The following PNOC variants were observed in gnomAD, a reference collection of about 807,000 sequenced individuals.
The protein encoded by PNOC is nociceptin.
A neutral mutation model predicts 15.6 loss-of-function variants in PNOC; 10 were observed. The ratio of observed to expected loss-of-function variants is 0.64; its 90% CI spans 0.40 to 1.09. The LOEUF (loss-of-function observed/expected upper bound fraction) is 1.09, where lower values mean the gene tolerates loss of function less well. Among genes scored for constraint, PNOC ranks in the 50% least tolerant of loss-of-function variants. The pLI is 0.01. For missense variants in PNOC, 220 were observed against 223.9 expected (o/e 0.98, Z 0.11); for synonymous variants, 98 against 88.5 (o/e 1.11, Z -0.60).
Position 28,330,399 on chromosome 8 carries a change from T to TTATTTA in PNOC, c.126+1117_126+1118insATTTAT, listed in dbSNP as rs796269575. 1.3e-3 allele frequency among the ~76,000 whole-genome samples: 132 copies of TTATTTA among 104,140 alleles called. 2 individuals carry two copies. In the East Asian group the frequency reaches 0.028, roughly 22 times the overall value. The allele number at this position is 104,140 out of a possible 152,430, so 68.3% of individuals were successfully genotyped here. A position where few individuals can be genotyped will look rare whatever the true frequency, so the allele number is the denominator to read the frequency against. ...TTATTTTATTTTATTTTATTTTATT[T>TTATTTA]TTTTTTTTTTTTTGAGACGGAGTCT... On this transcript the variant is annotated intron_variant, in intron 2 of 3. Coordinates refer to ENST00000301908, the MANE Select transcript of PNOC (RefSeq NM_006228.5).
At chr8:28,321,747 C>T (rs993939937) in intron 1 of PNOC, among the ~76,000 whole-genome samples, 7 of 152,192 alleles carry the variant, frequency 4.6e-5, no homozygotes, top group African/African-American at 1.7e-4. Flanking sequence ...CTGAGCACAG[C>T]TCTCACGCGT....
intron 2 of PNOC, 41 bp from the exon 3 acceptor site, chr8:28,338,999 T>G: frequency 2.0e-6 from 3 of 1,506,532 alleles, no homozygotes; most frequent in Non-Finnish European, 9.0e-7. Flanking sequence ...TTAACAGAGG[T>G]CCTTGTTCCT....
In PNOC at chr8:28,329,262, C is replaced by T. The variant is rs1801282086; in HGVS notation, c.105C>T (p.Ala35=). Residue 35 remains alanine, a synonymous_variant, in exon 2 of 4, where the codon GCC becomes GCT. Coordinates refer to ENST00000301908, the MANE Select transcript of PNOC (RefSeq NM_006228.5). ...CLTCQEKLHP[A]LDSFDLEVCI... ...CATGCCAGGAGAAGCTCCACCCAGC[C>T]CTGGACAGCTTCGACCTGGAGGTAG... 1 of 1,613,868 alleles carries T rather than the reference C, an allele frequency of 6.2e-7. No homozygotes were observed. Among genetic ancestry groups the T allele is most frequent in the South Asian group, 1.1e-5 (1 of 91,086 alleles).
intron 3 of PNOC, among the ~76,000 whole-genome samples, chr8:28,341,432 G>C (rs917027980): frequency 6.6e-6 from 1 of 152,202 alleles, no homozygotes; most frequent in Non-Finnish European, 1.5e-5. Context: ...AAATCGTTCA[G>C]AAGTAGCATG....
chr8:28,342,356 A>C (rs1252867095), intron 3 of PNOC, among the ~76,000 whole-genome samples: 1 of 5,794 alleles, frequency 1.7e-4, no homozygotes. Flanking sequence ...CCCCATCTCA[A>C]AAAAAAAAAA....
intron 1 of PNOC, among the ~76,000 whole-genome samples, chr8:28,328,559 C>T (rs1487644861): frequency 6.6e-6 from 1 of 151,900 alleles, no homozygotes; most frequent in Non-Finnish European, 1.5e-5. Flanking sequence ...CAGGGAAGGC[C>T]AGGAGGATGA....
intron 3 of PNOC, among the ~76,000 whole-genome samples, chr8:28,342,087 A>C (rs1801529438): frequency 6.6e-6 from 1 of 152,200 alleles, no homozygotes; most frequent in African/African-American, 2.4e-5. Flanking sequence ...GCTCATGCCT[A>C]TAATCCCAGT....
chr8:28,332,776 C>T (rs1191417586), intron 2 of PNOC, among the ~76,000 whole-genome samples: 1 of 152,148 alleles, frequency 6.6e-6, no homozygotes, highest in Admixed American at 6.5e-5. Context: ...CAAGGCGAAA[C>T]CCTGTCTCTA....
chr8:28,338,493 C>T (rs962342747), intron 2 of PNOC: 49 of 633,944 alleles, frequency 7.7e-5, no homozygotes, highest in Non-Finnish European at 9.0e-5. Flanking sequence ...ATAAATGATA[C>T]ACAGATAGTG....
chr8:28,333,959 G>A (rs1168773908), intron 2 of PNOC, among the ~76,000 whole-genome samples: 1 of 151,968 alleles, frequency 6.6e-6, no homozygotes, highest in East Asian at 1.9e-4. Flanking sequence ...TTGCCACTAT[G>A]GGCACTTTTG....
chr8:28,341,269 G>C (rs781763450), intron 3 of PNOC, among the ~76,000 whole-genome samples: 1 of 152,196 alleles, frequency 6.6e-6, no homozygotes, highest in Non-Finnish European at 1.5e-5. Flanking sequence ...GTATTAAGTT[G>C]TGAAGAGAAA....
At chr8:28,335,194 C>A (rs1801392071) in intron 2 of PNOC, among the ~76,000 whole-genome samples, 1 of 152,252 alleles carries the variant, frequency 6.6e-6, no homozygotes, top group Admixed American at 6.5e-5. Context: ...CCATCCAAAC[C>A]TCAGCTCTTG....
chr8:28,338,244 G>C (rs1022519483), intron 2 of PNOC, among the ~76,000 whole-genome samples: 4 of 152,138 alleles, frequency 2.6e-5, no homozygotes, highest in Non-Finnish European at 5.9e-5. Flanking sequence ...AAGAACGTGG[G>C]AGGTGGGGGG....
chr8:28,337,169 G>A (rs530615963), intron 2 of PNOC, among the ~76,000 whole-genome samples: 20 of 152,284 alleles, frequency 1.3e-4, no homozygotes, highest in African/African-American at 4.1e-4. Flanking sequence ...TCGCTGCATG[G>A]TTTCTAGATG....
intron 2 of PNOC, chr8:28,338,672 G>A (rs1309912748): frequency 9.9e-7 from 1 of 1,012,074 alleles, no homozygotes; most frequent in Non-Finnish European, 1.2e-6. Flanking sequence ...TTCTTTATGG[G>A]TGACAGTCAT....
At chr8:28,319,872 A>G (rs1213625570) in intron 1 of PNOC, among the ~76,000 whole-genome samples, 1 of 152,168 alleles carries the variant, frequency 6.6e-6, no homozygotes, top group Admixed American at 6.5e-5. Context: ...CTGGGCAGTC[A>G]TGAAGCAAAC....
At chr8:28,337,095 C>T (rs1260029390) in intron 2 of PNOC, among the ~76,000 whole-genome samples, 1 of 152,220 alleles carries the variant, frequency 6.6e-6, no homozygotes, top group Admixed American at 6.5e-5. Context: ...GCAGTGGCAG[C>T]TCCAGTCTCC....
intron 2 of PNOC, 123 bp from the exon 3 acceptor site, chr8:28,338,917 T>C: frequency 9.2e-7 from 1 of 1,087,152 alleles, no homozygotes; most frequent in South Asian, 2.0e-5. Context: ...TGCTCCACGT[T>C]ACTTGATAAC....
At chr8:28,324,473 C>T (rs1298456551) in intron 1 of PNOC, among the ~76,000 whole-genome samples, 3 of 152,196 alleles carry the variant, frequency 2.0e-5, no homozygotes, top group Non-Finnish European at 2.9e-5. Context: ...TCTTCTGCGA[C>T]GTATAGCCAC....
Sources: allele counts gnomAD v4.1 joint callset (sites outside exome capture counted in the v4.1 genomes callset), GRCh38; gene constraint gnomAD v4.1.1; transcripts MANE v1.5; gene names NCBI Gene and HGNC (gene_info 2026-07-23, HGNC 2026-07-21).